The following CLEC1B variants were observed in gnomAD, a reference collection of about 807,000 sequenced individuals.
CLEC1B encodes C-type lectin-like receptor 2.
A neutral mutation model predicts 26.7 loss-of-function variants in CLEC1B; 26 were observed. The ratio of observed to expected loss-of-function variants is 0.97; its 90% CI spans 0.71 to 1.35. CLEC1B has a LOEUF of 1.35. Ranked by LOEUF, CLEC1B falls within the 40% of genes most tolerant of loss-of-function variation. The pLI, the probability that CLEC1B is intolerant of heterozygous loss-of-function variation, is 0.00. For synonymous variants in CLEC1B, 112 were observed against 96.0 expected (o/e 1.17, Z -0.97); for missense variants, 293 against 282.6 (o/e 1.04, Z -0.26).
intron 1 of CLEC1B, 150 bp from the exon 2 acceptor site, chr12:9,998,530 T>C: frequency 1.9e-6 from 1 of 521,012 alleles, no homozygotes; most frequent in Non-Finnish European, 3.6e-6. Context: ...CTCCTCATGA[T>C]CATCAACAAT....
chr12:9,993,315 C>A (rs2137229959), intron 5 of CLEC1B, 28 bp from the exon 6 acceptor site: 1 of 1,523,288 alleles, frequency 6.6e-7, no homozygotes. Context: ...GAATAAATTC[C>A]TTTGAAAACT....
At chr12:9,996,505 T>C (rs1865051165) in intron 4 of CLEC1B, among the ~76,000 whole-genome samples, 1 of 151,286 alleles carries the variant, frequency 6.6e-6, no homozygotes, top group African/African-American at 2.4e-5. Context: ...TGCGTCTGAG[T>C]CCACAGAAAC....
At chr12:9,999,354 G>T (rs745494224), upstream of CLEC1B, 28 of 333,588 alleles carry the variant, frequency 8.4e-5, 1 homozygote, top group Middle Eastern at 2.0e-3. Flanking sequence ...GAGTAGATAA[G>T]GTATTTGCTT....
At chr12:9,998,231 C>A (rs762964678) in intron 2 of CLEC1B, 51 bp downstream of exon 2, 1 of 1,366,748 alleles carries the variant, frequency 7.3e-7, no homozygotes, top group Non-Finnish European at 1.0e-6. Flanking sequence ...ATGCCATGAC[C>A]CTTCAGTATT....
chr12:9,993,237 T>A lies in CLEC1B; in HGVS notation c.596A>T (p.His199Leu), dbSNP rs1864936688. 1.2e-6 allele frequency: 2 copies of A among 1,612,560 alleles called. No homozygotes were observed. The highest frequency in any genetic ancestry group is 1.7e-5 in the Admixed American group (1 of 59,962). ...GAAGGTAGGGTGCATTTTCCCATTA[T>A]GAAAATAAGCACAATTCATATTTCC... Reference protein sequence around the residue: ...GKGNMNCAYFHNGKMHPTFCE... With the variant: ...GKGNMNCAYFLNGKMHPTFCE... The change falls in exon 6 of 6, where the codon CAT (histidine) becomes CTT (leucine). Residue 199 changes from histidine to leucine, a missense_variant. Transcript: ENST00000298527.
chr12:9,996,922 A>G lies in CLEC1B; in HGVS notation c.362T>C (p.Leu121Ser), dbSNP rs1296205597. 3.1e-6 allele frequency: 5 copies of G among 1,613,918 alleles called. No homozygotes were observed. Residue 121 changes from leucine (L) to serine (S), a missense_variant, in exon 4 of 6, where the codon TTA becomes TCA. By Grantham distance (145) the Leu-to-Ser change is moderately radical. Transcript: ENST00000298527. ...DSCYGFFRHN[L>S]TWEESKQYCT... ...GTACTGCTTACTCTCTTCCCATGTTAAGTTGTGCCTGAAGAACCCATAGCA... is the reference window on the plus strand; with the variant it reads ...GTACTGCTTACTCTCTTCCCATGTTGAGTTGTGCCTGAAGAACCCATAGCA...
In CLEC1B at chr12:9,993,197, A is replaced by G; in HGVS notation, c.636T>C (p.His212=). The G allele has an allele frequency of 1.2e-6, 2 of 1,612,788 alleles. No homozygotes were observed. The highest frequency in any genetic ancestry group is 1.7e-6 in the Non-Finnish European group (2 of 1,179,214). ...KMHPTFCENK[H]YLMCERKAGM... is the part of the protein sequence containing the mutation. Reference sequence around the variant, plus strand: ...CAGCCTTCCTCTCACACATTAAATAATGTTTGTTCTCACAGAAGGTAGGGT... The same window carrying G: ...CAGCCTTCCTCTCACACATTAAATAGTGTTTGTTCTCACAGAAGGTAGGGT... Residue 212 remains histidine (H), a synonymous_variant, in exon 6 of 6, where the codon CAT becomes CAC. Transcript: ENST00000298527.
upstream of CLEC1B, chr12:9,999,320 AAAT>A (rs1290317350): frequency 2.6e-6 from 1 of 391,890 alleles, no homozygotes. Context: ...AAAAACACAA[AAAT>A]AATAATAACT....
intron 5 of CLEC1B, among the ~76,000 whole-genome samples, chr12:9,994,351 GC>G (rs1864976894): frequency 2.0e-5 from 3 of 152,234 alleles, no homozygotes; most frequent in Middle Eastern, 6.8e-3. Context: ...GAAGAGGCTT[GC>G]TTGTAGTTGT....
At position 9,995,195 on chromosome 12, in the gene CLEC1B, G is replaced by A; in HGVS notation, c.490C>T (p.Gln164Ter). Residue 164 changes from glutamine (Q) to a stop codon, truncating the protein, a stop_gained, in exon 5 of 6, where the codon CAG (glutamine) becomes TAG (stop). Coordinates refer to ENST00000298527, the MANE Select transcript of CLEC1B (RefSeq NM_016509.4). LOFTEE classifies it high-confidence loss of function. The stretch of plus-strand genomic sequence containing the variant: ...CACTTCCAGACCTCATTCGACTTCT[G>A]GCGAGATAATCCGACCCAACGAATT... ...HLIRWVGLSR[Q>*]KSNEVWKWED... The A allele has an allele frequency of 6.2e-7, 1 of 1,613,126 alleles. No homozygotes were observed. Among genetic ancestry groups the A allele is most frequent in the East Asian group, 2.2e-5 (1 of 44,862 alleles).
chr12:9,996,491 C>T (rs753998773), intron 4 of CLEC1B, among the ~76,000 whole-genome samples: 5 of 152,058 alleles, frequency 3.3e-5, no homozygotes, highest in East Asian at 1.9e-4. Flanking sequence ...GGATATCTTC[C>T]GTATGCGTCT....
At chr12:9,997,537 C>G (rs181441498) in intron 2 of CLEC1B, among the ~76,000 whole-genome samples, 1 of 152,292 alleles carries the variant, frequency 6.6e-6, no homozygotes, top group East Asian at 1.9e-4. Context: ...ACATCGATAA[C>G]ATCCCCAGAG....
chr12:9,996,356 G>T (rs1253394050), intron 4 of CLEC1B, among the ~76,000 whole-genome samples: 4 of 152,144 alleles, frequency 2.6e-5, no homozygotes, highest in African/African-American at 9.7e-5. Context: ...CCTGGCATCT[G>T]CCTAGACTAA....
At position 9,993,108 on chromosome 12, in the gene CLEC1B, G is replaced by A. The variant is rs772842340; in HGVS notation, c.*35C>T. The A allele has an allele frequency of 3.2e-6, 5 of 1,583,552 alleles. No homozygotes were observed. The highest frequency in any genetic ancestry group is 4.3e-6 in the Non-Finnish European group (5 of 1,157,878). Reference sequence around the variant, plus strand: ...TACATATCTTTTATTGTACAATAAAGCCCTTATCTGTGTTATCCTGTCCAC... The same window carrying A: ...TACATATCTTTTATTGTACAATAAAACCCTTATCTGTGTTATCCTGTCCAC... On this transcript the variant is annotated 3_prime_UTR_variant, in exon 6 of 6. Coordinates refer to ENST00000298527, the MANE Select transcript of CLEC1B (RefSeq NM_016509.4).
At chr12:9,993,359 G>T in intron 5 of CLEC1B, 72 bp from the exon 6 acceptor site, 2 of 1,038,914 alleles carry the variant, frequency 1.9e-6, no homozygotes, top group Non-Finnish European at 2.9e-6. Context: ...TCTGCGTATA[G>T]TAGTTTGATG....
Position 9,999,017 on chromosome 12 carries a change from T to C in CLEC1B, c.64+20A>G. 7.1e-7 allele frequency: 1 copy of C among 1,414,996 alleles called. No individual in the cohort carries two copies. The highest frequency in any genetic ancestry group is 9.9e-7 in the Non-Finnish European group (1 of 1,008,824). 87.7% of individuals were successfully genotyped at this position (1,414,996 alleles called of 1,614,324 possible). A position where few individuals can be genotyped will look rare whatever the true frequency, so the allele number is the denominator to read the frequency against. ...ATTTTTTAAATTAATTTCCAAATTA[T>C]TGGCTCTGAGCATTCTTACCGGAGA... On this transcript the variant is annotated intron_variant, in intron 1 of 5. Transcript: ENST00000298527.
At position 9,993,220 on chromosome 12, in the gene CLEC1B, G is replaced by A. The variant is rs903346485; in HGVS notation, c.613C>T (p.Pro205Ser). 2 of 1,612,486 alleles carry A rather than the reference G, an allele frequency of 1.2e-6. No individual in the cohort carries two copies. Among genetic ancestry groups the A allele is most frequent in the Non-Finnish European group, 1.7e-6 (2 of 1,178,926 alleles). ...CAYFHNGKMH[P>S]TFCENKHYLM... is the part of the protein sequence containing the mutation. ...TAATGTTTGTTCTCACAGAAGGTAGGGTGCATTTTCCCATTATGAAAATAA... is the reference window on the plus strand; with the variant it reads ...TAATGTTTGTTCTCACAGAAGGTAGAGTGCATTTTCCCATTATGAAAATAA... Residue 205 changes from proline to serine, a missense_variant, in exon 6 of 6, where the codon CCT becomes TCT. By Grantham distance (74) the Pro-to-Ser change is moderately conservative (BLOSUM62 -1). Coordinates refer to ENST00000298527, the MANE Select transcript of CLEC1B (RefSeq NM_016509.4).
At chr12:9,993,314 C>A (rs1591846599) in intron 5 of CLEC1B, 27 bp from the exon 6 acceptor site, 2 of 1,586,684 alleles carry the variant, frequency 1.3e-6, no homozygotes, top group Middle Eastern at 1.7e-4. Context: ...AGAATAAATT[C>A]CTTTGAAAAC....
intron 3 of CLEC1B, 60 bp downstream of exon 3, chr12:9,997,100 G>T (rs199596128): frequency 6.2e-7 from 1 of 1,609,240 alleles, no homozygotes; most frequent in Non-Finnish European, 8.5e-7. Context: ...CCCTTCAGTT[G>T]CCATCAGAGA....
Sources: allele counts gnomAD v4.1 joint callset (sites outside exome capture counted in the v4.1 genomes callset), GRCh38; gene constraint gnomAD v4.1.1; transcripts MANE v1.5; gene names NCBI Gene and HGNC (gene_info 2026-07-23, HGNC 2026-07-21).